Variants in LPP observed in about 807,000 individuals in gnomAD.
LPP encodes the protein LIM domain containing preferred translocation partner in lipoma.
Under a neutral mutation model 60.4 loss-of-function variants are expected in LPP, and 38 were observed. The observed-to-expected ratio is 0.63, with a 90% CI of 0.49 to 0.83. LPP has a LOEUF of 0.83. Among genes scored for constraint, LPP ranks in the 40% least tolerant of loss-of-function variants. The probability of loss-of-function intolerance (pLI) is 0.00; values close to 1 mark genes in which losing one functional copy is unlikely to be tolerated. For synonymous variants in LPP, 328 were observed against 290.8 expected (o/e 1.13, Z -1.30); for missense variants, 902 against 783.6 (o/e 1.15, Z -1.80).
intron 3 of LPP, among the ~76,000 whole-genome samples, chr3:188,362,172 A>C (rs912054656): frequency 6.6e-6 from 1 of 152,206 alleles, no homozygotes; most frequent in African/African-American, 2.4e-5. Context: ...GACTAAAAGG[A>C]TGTCCGCAAA....
intron 8 of LPP, among the ~76,000 whole-genome samples, chr3:188,757,406 C>A (rs1009753237): frequency 6.6e-6 from 1 of 152,196 alleles, no homozygotes; most frequent in Admixed American, 6.5e-5. Flanking sequence ...CTCCCAGATC[C>A]TCATGAGTAG....
At position 188,346,616 on chromosome 3, in the gene LPP, C is replaced by T. The variant is rs568537861; in HGVS notation, c.-10+4897C>T. Among the ~76,000 whole-genome samples the T allele has an allele frequency of 2.0e-5, 3 of 152,234 alleles. No homozygotes were observed. The East Asian group carries it at 5.8e-4, about 29-fold the overall frequency. On this transcript the variant is annotated intron_variant, in intron 3 of 11. Coordinates refer to ENST00000617246, the MANE Select transcript of LPP (RefSeq NM_001375462.1). ...GTGTATGTGCGTGCACACGTGCATACACATGATCCTGTGTTTGGGGCAGAT... is the reference window on the plus strand; with the variant it reads ...GTGTATGTGCGTGCACACGTGCATATACATGATCCTGTGTTTGGGGCAGAT...
intron 7 of LPP, among the ~76,000 whole-genome samples, chr3:188,648,998 G>A (rs1482898985): frequency 2.0e-5 from 3 of 152,128 alleles, no homozygotes; most frequent in African/African-American, 7.2e-5. Context: ...TCTAATTCTG[G>A]CATATGAAGT....
chr3:188,693,408 G>T (rs1287526159), intron 7 of LPP, among the ~76,000 whole-genome samples: 5 of 152,144 alleles, frequency 3.3e-5, no homozygotes, highest in Non-Finnish European at 5.9e-5. Context: ...ACCAGGCTTT[G>T]CATAAGGCCC....
chr3:188,173,907 G>C (rs1029744783), intron 1 of LPP, among the ~76,000 whole-genome samples: 2 of 152,168 alleles, frequency 1.3e-5, no homozygotes, highest in African/African-American at 4.8e-5. Flanking sequence ...ATTAGGGTTT[G>C]GATCCAGGCT....
At chr3:188,446,680 T>C (rs536484076) in intron 4 of LPP, among the ~76,000 whole-genome samples, 6 of 152,348 alleles carry the variant, frequency 3.9e-5, no homozygotes, top group African/African-American at 1.4e-4. Flanking sequence ...TTCATTGTTG[T>C]TCTCCAAGTT....
intron 7 of LPP, among the ~76,000 whole-genome samples, chr3:188,699,022 T>C (rs968874815): frequency 6.6e-6 from 1 of 152,224 alleles, no homozygotes; most frequent in Non-Finnish European, 1.5e-5. Context: ...TCTTTGTTAG[T>C]GGTTTCTAAG....
intron 4 of LPP, 35 bp downstream of exon 4, chr3:188,406,348 G>A: frequency 1.3e-6 from 2 of 1,581,542 alleles, no homozygotes; most frequent in Non-Finnish European, 1.7e-6. Flanking sequence ...GTTACTTGGA[G>A]TAGGAAAATT....
At chr3:188,676,800 G>T (rs989546422) in intron 7 of LPP, among the ~76,000 whole-genome samples, 1 of 152,150 alleles carries the variant, frequency 6.6e-6, no homozygotes, top group African/African-American at 2.4e-5. Context: ...CAATGAGTGT[G>T]GGAGGGACCT....
At chr3:188,868,357 G>T (rs1767202257) in intron 10 of LPP, among the ~76,000 whole-genome samples, 1 of 152,140 alleles carries the variant, frequency 6.6e-6, no homozygotes, top group Non-Finnish European at 1.5e-5. Context: ...ATGTCTAGGG[G>T]TAGGGAGCAT....
rs138124641 is a variant in LPP, at chr3:188,872,832, A to G, written c.1710+69A>G. 4.8e-4 allele frequency: 763 copies of G among 1,598,544 alleles called. 9 individuals carry two copies. In the East Asian group the frequency reaches 0.014, roughly 28 times the overall value. ...AAAGGCTCGTTCGAGCTAGGTTTAC[A>G]TAGATGTAGCAATTACTAAATCTCA... On this transcript the variant is annotated intron_variant, in intron 11 of 11. Transcript: ENST00000617246.
intron 2 of LPP, among the ~76,000 whole-genome samples, chr3:188,258,584 G>A (rs886803011): frequency 4.6e-5 from 7 of 152,330 alleles, no homozygotes; most frequent in Non-Finnish European, 8.8e-5. Context: ...GCCTCCCAAA[G>A]TGCTGGAATC....
intron 2 of LPP, among the ~76,000 whole-genome samples, chr3:188,319,683 C>T (rs1047339218): frequency 1.3e-5 from 2 of 152,200 alleles, no homozygotes; most frequent in Non-Finnish European, 2.9e-5. Flanking sequence ...ACTAACAGTA[C>T]AAAGAGTTCC....
intron 3 of LPP, among the ~76,000 whole-genome samples, chr3:188,388,316 TAC>T (rs1778854339): frequency 6.6e-6 from 1 of 152,220 alleles, no homozygotes. Context: ...TCACAGTTAG[TAC>T]AACTCTCAGG....
chr3:188,653,691 A>G (rs1312154876), intron 7 of LPP, among the ~76,000 whole-genome samples: 3 of 152,190 alleles, frequency 2.0e-5, no homozygotes. Context: ...ACCAATCAAC[A>G]TCACATACAG....
At chr3:188,607,693 T>C (rs1842797801) in intron 6 of LPP, among the ~76,000 whole-genome samples, 1 of 152,076 alleles carries the variant, frequency 6.6e-6, no homozygotes, top group African/African-American at 2.4e-5. Flanking sequence ...CATTTTTATT[T>C]TGAAAATCGA....
At chr3:188,638,890 T>C (rs1462086843) in intron 7 of LPP, among the ~76,000 whole-genome samples, 1 of 151,978 alleles carries the variant, frequency 6.6e-6, no homozygotes, top group Non-Finnish European at 1.5e-5. Context: ...GGAAGAACAT[T>C]CCATGCTCAT....
intron 2 of LPP, among the ~76,000 whole-genome samples, chr3:188,337,931 T>G (rs1762102447): frequency 6.6e-6 from 1 of 152,244 alleles, no homozygotes; most frequent in Admixed American, 6.5e-5. Context: ...AAAAGTCCAG[T>G]GCTGGAGATT....
Position 188,376,229 on chromosome 3 carries a change from T to A in LPP, c.-9-29883T>A, listed in dbSNP as rs372371825. Among the ~76,000 whole-genome samples, 940 of 151,936 alleles carry A rather than the reference T, an allele frequency of 6.2e-3. 8 individuals carry two copies. Among genetic ancestry groups the A allele is most frequent in the South Asian group, 0.034 (162 of 4,772 alleles). On this transcript the variant is annotated intron_variant, in intron 3 of 11. Coordinates refer to ENST00000617246, the MANE Select transcript of LPP (RefSeq NM_001375462.1). ...GTAGATGTCTATTAGGTCTGCTTGG[T>A]GCAGAGCTGAGTTCAATTCCTGGGT...
Sources: allele counts gnomAD v4.1 joint callset (sites outside exome capture counted in the v4.1 genomes callset), GRCh38; gene constraint gnomAD v4.1.1; transcripts MANE v1.5; gene names NCBI Gene and HGNC (gene_info 2026-07-23, HGNC 2026-07-21).